Variants in CTNNA3 observed in about 807,000 individuals in gnomAD.
The protein encoded by CTNNA3 is catenin alpha 3.
Under a neutral mutation model 95.7 loss-of-function variants are expected in CTNNA3, and 76 were observed. The ratio of observed to expected loss-of-function variants is 0.79; its 90% confidence interval spans 0.66 to 0.96. The LOEUF (loss-of-function observed/expected upper bound fraction) is 0.96. Among genes scored for constraint, CTNNA3 ranks in the 40% least tolerant of loss-of-function variants. The probability of loss-of-function intolerance (pLI) is 0.00; values close to 1 mark genes in which losing one functional copy is unlikely to be tolerated. For missense variants in CTNNA3, 1,191 were observed against 1,089.8 expected, an observed-to-expected ratio of 1.09 and a Z score of -1.31; for synonymous variants, 431 against 374.4, an observed-to-expected ratio of 1.15 and a Z score of -1.74.
chr10:66,544,733 A>G (rs191210712), intron 10 of CTNNA3, among the ~76,000 whole-genome samples: 19 of 152,226 alleles, frequency 1.2e-4, no homozygotes, highest in Admixed American at 2.6e-4. Flanking sequence ...TTAAGCCCAC[A>G]CTCTAGTAAA....
chr10:66,913,739 T>C (rs1437044315), intron 7 of CTNNA3, among the ~76,000 whole-genome samples: 1 of 152,150 alleles, frequency 6.6e-6, no homozygotes, highest in Non-Finnish European at 1.5e-5. Flanking sequence ...CTGATCTTCA[T>C]AGAGCGAGAT....
chr10:66,926,160 G>A (rs961637551), intron 7 of CTNNA3: 3 of 462,386 alleles, frequency 6.5e-6, no homozygotes, highest in African/African-American at 4.0e-5. Flanking sequence ...CTCATCACGG[G>A]AACTGCTGGG....
intron 17 of CTNNA3, among the ~76,000 whole-genome samples, chr10:65,952,049 AT>A (rs1219080721): frequency 6.6e-6 from 1 of 151,472 alleles, no homozygotes; most frequent in African/African-American, 2.4e-5. Flanking sequence ...AAAAAAAAAA[AT>A]CCCTCACCTA....
chr10:67,158,828 C>G (rs1302929656), intron 7 of CTNNA3, among the ~76,000 whole-genome samples: 1 of 150,890 alleles, frequency 6.6e-6, no homozygotes, highest in Admixed American at 6.6e-5. Flanking sequence ...AAATCACTAT[C>G]AATCTATTAC....
At chr10:66,409,896 T>C (rs1039926322) in intron 11 of CTNNA3, among the ~76,000 whole-genome samples, 1 of 152,174 alleles carries the variant, frequency 6.6e-6, no homozygotes, top group African/African-American at 2.4e-5. Flanking sequence ...GTTCTGATAC[T>C]GCCAGTTCTG....
chr10:67,441,559 C>A (rs1846517213), intron 5 of CTNNA3, among the ~76,000 whole-genome samples: 1 of 151,880 alleles, frequency 6.6e-6, no homozygotes. Flanking sequence ...CCTAAAAGCA[C>A]CAAAAGAAAA....
At chr10:67,747,102 C>T (rs940682448) in intron 1 of CTNNA3, among the ~76,000 whole-genome samples, 2 of 152,228 alleles carry the variant, frequency 1.3e-5, no homozygotes, top group Non-Finnish European at 2.9e-5. Context: ...CAACTCTAGC[C>T]AGGGGCTTAG....
At chr10:66,702,352 T>TC (rs1272933966) in intron 9 of CTNNA3, among the ~76,000 whole-genome samples, 3 of 151,790 alleles carry the variant, frequency 2.0e-5, no homozygotes, top group Non-Finnish European at 4.4e-5. Flanking sequence ...AGGAAGTGAG[T>TC]CCTCTAGGGA....
At chr10:65,991,124 G>A (rs1224370170) in intron 15 of CTNNA3, among the ~76,000 whole-genome samples, 2 of 151,442 alleles carry the variant, frequency 1.3e-5, no homozygotes, top group African/African-American at 4.8e-5. Context: ...CTATTTTTAC[G>A]CTCATACAAT....
chr10:66,641,783 T>C (rs1270455876), intron 9 of CTNNA3, among the ~76,000 whole-genome samples: 1 of 152,128 alleles, frequency 6.6e-6, no homozygotes, highest in Non-Finnish European at 1.5e-5. Flanking sequence ...TAGCAAATAA[T>C]GGTCTGCTTT....
In CTNNA3 at chr10:66,520,758, G is replaced by A. The variant is rs367599520; in HGVS notation, c.1390C>T (p.Leu464Phe). 8.7e-6 allele frequency: 14 copies of A among 1,612,432 alleles called. No individual in the cohort carries two copies. Among genetic ancestry groups the A allele is most frequent in the East Asian group, 2.2e-5 (1 of 44,784 alleles). ...CTTTTGGGTCTTGCAGCCAAAGCAAGTGCAGCATTAATAATCTATAAAGAT... is the reference window on the plus strand; with the variant it reads ...CTTTTGGGTCTTGCAGCCAAAGCAAATGCAGCATTAATAATCTATAAAGAT... ...TLCPQIINAALALAARPKSQA... is the reference protein window; with the variant it reads ...TLCPQIINAAFALAARPKSQA... Residue 464 changes from leucine (L) to phenylalanine (F), a missense_variant, in exon 11 of 18, where the codon CTT becomes TTT. Physicochemically the swap from Leu to Phe is conservative, Grantham distance 22. Transcript: ENST00000433211.
intron 5 of CTNNA3, among the ~76,000 whole-genome samples, chr10:67,442,564 T>C (rs959052156): frequency 2.0e-5 from 3 of 152,208 alleles, no homozygotes; most frequent in South Asian, 2.1e-4. Context: ...GGAGTAGCTA[T>C]ACTTACATCA....
intron 11 of CTNNA3, among the ~76,000 whole-genome samples, chr10:66,457,535 A>G (rs1216474911): frequency 1.3e-5 from 2 of 151,976 alleles, no homozygotes; most frequent in Non-Finnish European, 2.9e-5. Flanking sequence ...ATTTATGTTC[A>G]CAGAAAGATA....
chr10:67,382,561 TG>T (rs1843988384), intron 5 of CTNNA3, among the ~76,000 whole-genome samples: 1 of 152,226 alleles, frequency 6.6e-6, no homozygotes, highest in East Asian at 1.9e-4. Context: ...CTTGACAACA[TG>T]GCTCTCATCA....
chr10:67,530,793 C>A (rs1197294809), intron 4 of CTNNA3, among the ~76,000 whole-genome samples: 5 of 152,206 alleles, frequency 3.3e-5, no homozygotes, highest in Admixed American at 2.6e-4. Context: ...CAGCCCCTCC[C>A]ATCACAGGCC....
chr10:67,305,858 G>T (rs1840532342), intron 5 of CTNNA3, among the ~76,000 whole-genome samples: 1 of 152,082 alleles, frequency 6.6e-6, no homozygotes, highest in South Asian at 2.1e-4. Context: ...AATAAGCAAA[G>T]GTGACCAAAA....
chr10:66,490,306 C>T (rs10997180), intron 11 of CTNNA3, among the ~76,000 whole-genome samples: 12,457 of 151,992 alleles, frequency 0.082, 1,202 homozygotes, highest in East Asian at 0.32. Context: ...TTGTTTAATA[C>T]ACATCATTTC....
At chr10:67,082,642 G>A (rs766742123) in intron 7 of CTNNA3, among the ~76,000 whole-genome samples, 2 of 152,076 alleles carry the variant, frequency 1.3e-5, no homozygotes, top group Non-Finnish European at 2.9e-5. Context: ...AAAGGAAACC[G>A]TGCAGGAATT....
chr10:66,266,286 C>A (rs1051530032), intron 13 of CTNNA3, among the ~76,000 whole-genome samples: 4 of 151,986 alleles, frequency 2.6e-5, no homozygotes, highest in African/African-American at 9.7e-5. Context: ...TCCAGAGCTA[C>A]TATAACACGT....
Sources: allele counts gnomAD v4.1 joint callset (sites outside exome capture counted in the v4.1 genomes callset), GRCh38; gene constraint gnomAD v4.1.1; transcripts MANE v1.5; gene names NCBI Gene and HGNC (gene_info 2026-07-23, HGNC 2026-07-21).